The following NF2 variants were observed in gnomAD, a reference collection of about 807,000 sequenced individuals.
NF2 encodes the protein NF2, moesin-ezrin-radixin like (MERLIN) tumor suppressor, also known as merlin.
Under a neutral mutation model 83.7 loss-of-function variants are expected in NF2, and 8 were observed. The observed-to-expected ratio is 0.10, with a 90% CI of 0.06 to 0.17. NF2 has a LOEUF of 0.17. NF2 is among the 10% of genes least tolerant of loss of function. The probability of loss-of-function intolerance (pLI) is 1.00; values close to 1 mark genes in which losing one functional copy is unlikely to be tolerated. For synonymous variants in NF2, 266 were observed against 269.6 expected, an observed-to-expected ratio of 0.99 and a Z score of 0.13; for missense variants, 533 against 744.4, an observed-to-expected ratio of 0.72 and a Z score of 3.31.
In NF2 at chr22:29,698,168, A is replaced by G. The variant is rs971789891; in HGVS notation, c.*3366A>G. On this transcript the variant is annotated 3_prime_UTR_variant, in exon 16 of 16. Transcript: ENST00000338641. Reference sequence around the variant, plus strand: ...CCCCCCAACCTGTGTTGTCCACCCTATTATTCATGTACCTGCCAGGCCCTG... The same window carrying G: ...CCCCCCAACCTGTGTTGTCCACCCTGTTATTCATGTACCTGCCAGGCCCTG... 8.6e-6 allele frequency: 2 copies of G among 232,212 alleles called. No homozygotes were observed. The highest frequency in any genetic ancestry group is 1.8e-4 in the South Asian group (1 of 5,512). 14.4% of individuals were successfully genotyped at this position (232,212 alleles called of 1,614,324 possible).
chr22:29,667,819 G>C (rs1375961346), intron 9 of NF2, among the ~76,000 whole-genome samples: 1 of 151,812 alleles, frequency 6.6e-6, no homozygotes, highest in East Asian at 1.9e-4. Flanking sequence ...GTCTTACTTG[G>C]CATCTTCTCT....
intron 1 of NF2, among the ~76,000 whole-genome samples, chr22:29,622,444 T>G (rs1207317099): frequency 6.6e-6 from 1 of 152,184 alleles, no homozygotes; most frequent in Non-Finnish European, 1.5e-5. Flanking sequence ...TTTAACATAG[T>G]CAGAATGCTC....
chr22:29,691,631 G>T (rs945651749), intron 15 of NF2, among the ~76,000 whole-genome samples: 3 of 152,190 alleles, frequency 2.0e-5, no homozygotes, highest in Admixed American at 6.5e-5. Flanking sequence ...CCTGCCTATG[G>T]GTGTACTGTA....
chr22:29,664,213 T>A (rs2066552117), intron 8 of NF2, among the ~76,000 whole-genome samples: 1 of 152,098 alleles, frequency 6.6e-6, no homozygotes, highest in South Asian at 2.1e-4. Context: ...CCTCAAGCGA[T>A]CCTCCTGCTT....
At position 29,628,140 on chromosome 22, in the gene NF2, CTGTGTGTGTGTGTG is replaced by C. The variant is rs3138701; in HGVS notation, c.115-8579_115-8566del. 8.8e-3 allele frequency among the ~76,000 whole-genome samples: 1,228 copies of C among 139,762 alleles called. 15 individuals carry two copies. The highest frequency in any genetic ancestry group is 0.031 in the African/African-American group (1,159 of 37,408). The allele number at this position is 139,762 out of a possible 152,430, so 91.7% of individuals were successfully genotyped here. On this transcript the variant is annotated intron_variant, in intron 1 of 15. Coordinates refer to ENST00000338641, the MANE Select transcript of NF2 (RefSeq NM_000268.4). ...TTGCCAGGGTTCTGGGAGACTTAATCTGTGTGTGTGTGTGTGTGTGTGTGTGTGTGTGTGTGTGT... is the reference window on the plus strand; with the variant it reads ...TTGCCAGGGTTCTGGGAGACTTAATCTGTGTGTGTGTGTGTGTGTGTGTGT...
At chr22:29,628,142 G>C (rs1368126836) in intron 1 of NF2, among the ~76,000 whole-genome samples, 2 of 79,986 alleles carry the variant, frequency 2.5e-5, no homozygotes, top group Non-Finnish European at 4.9e-5. Flanking sequence ...GACTTAATCT[G>C]TGTGTGTGTG....
rs2065158200 is a variant in NF2, at chr22:29,619,450, G to C, written c.114+15338G>C. 3.3e-5 allele frequency among the ~76,000 whole-genome samples: 5 copies of C among 151,954 alleles called. No homozygotes were observed. The South Asian group carries it at 1.0e-3, about 32-fold the overall frequency. On this transcript the variant is annotated intron_variant, in intron 1 of 15. Coordinates refer to ENST00000338641, the MANE Select transcript of NF2 (RefSeq NM_000268.4). ...CTCGCTCTGTTGCCCAGGCTGGAGT[G>C]CAGTGGCGTGATCTCAGCTCACTTC...
intron 15 of NF2, among the ~76,000 whole-genome samples, chr22:29,692,231 G>T (rs1426563533): frequency 6.6e-6 from 1 of 152,180 alleles, no homozygotes; most frequent in Non-Finnish European, 1.5e-5. Flanking sequence ...GAGGACTGTG[G>T]CTCTCTCTCC....
At chr22:29,610,626 A>G (rs2064926791) in intron 1 of NF2, among the ~76,000 whole-genome samples, 2 of 151,564 alleles carry the variant, frequency 1.3e-5, no homozygotes, top group South Asian at 4.2e-4. Context: ...CCTGGGTGAC[A>G]AAGTGAGACT....
chr22:29,675,044 AGGCAAACACATGGC>A, intron 13 of NF2, 103 bp downstream of exon 13: 1 of 927,850 alleles, frequency 1.1e-6, no homozygotes, highest in Non-Finnish European at 1.7e-6. Context: ...GTGACCATTC[AGGCAAACACATGGC>A]TGGATGAGAG....
intron 4 of NF2, among the ~76,000 whole-genome samples, chr22:29,645,499 A>G (rs2065958267): frequency 6.6e-6 from 1 of 152,216 alleles, no homozygotes; most frequent in Non-Finnish European, 1.5e-5. Context: ...TTATGCTTTG[A>G]TCAAGAATAT....
intron 1 of NF2, among the ~76,000 whole-genome samples, chr22:29,617,761 T>A (rs1483468110): frequency 6.6e-6 from 1 of 152,170 alleles, no homozygotes; most frequent in Non-Finnish European, 1.5e-5. Flanking sequence ...GAATTTTGTA[T>A]TAATAACAAA....
intron 4 of NF2, among the ~76,000 whole-genome samples, chr22:29,645,783 G>A (rs1243513044): frequency 6.6e-6 from 1 of 152,218 alleles, no homozygotes; most frequent in Non-Finnish European, 1.5e-5. Context: ...TGAACCAGCA[G>A]ATGTTTGCTT....
In NF2 at chr22:29,604,011, A is replaced by G. The variant is rs1256317044; in HGVS notation, c.13A>G (p.Ile5Val). MAGA[I>V]ASRMSFSSLK... is the part of the protein sequence containing the mutation. ...TGAGCCCCGCGCCATGGCCGGGGCCATCGCTTCCCGCATGAGCTTCAGCTC... is the reference window on the plus strand; with the variant it reads ...TGAGCCCCGCGCCATGGCCGGGGCCGTCGCTTCCCGCATGAGCTTCAGCTC... The change falls in exon 1 of 16, where the codon ATC becomes GTC. Residue 5 changes from isoleucine to valine, a missense_variant. Around this residue, in one of 3 missense-constraint regions of NF2, gnomAD observed 326 missense variants for 475.1 expected, o/e 0.69. Transcript: ENST00000338641. 5 of 1,588,092 alleles carry G rather than the reference A, an allele frequency of 3.1e-6. No individual in the cohort carries two copies. The African/African-American group carries it at 4.0e-5, about 13-fold the overall frequency.
At chr22:29,608,271 A>G (rs896395989) in intron 1 of NF2, among the ~76,000 whole-genome samples, 4 of 150,852 alleles carry the variant, frequency 2.7e-5, no homozygotes, top group Non-Finnish European at 5.9e-5. Context: ...GTGAAGAAAG[A>G]ATTCGTTAAT....
At chr22:29,654,545 G>A (rs1307701249) in intron 4 of NF2, 112 bp from the exon 5 acceptor site, 48 of 862,042 alleles carry the variant, frequency 5.6e-5, no homozygotes, top group Non-Finnish European at 3.9e-5. Flanking sequence ...ACTTGTCATC[G>A]GAATTGAATT....
At position 29,636,943 on chromosome 22, in the gene NF2, G is replaced by A. The variant is rs757046364; in HGVS notation, c.240+67G>A. On this transcript the variant is annotated intron_variant, in intron 2 of 15. Transcript: ENST00000338641. The surrounding 1 kb of genome is among the most constrained non-coding windows in gnomAD (Gnocchi z 4.4). ...CTTTCCAGTTTTTCCCTGAGCAGGC[G>A]CCTAGCTCATCACTGGGGCGCTGTA... 133 of 1,610,068 alleles carry A rather than the reference G, an allele frequency of 8.3e-5. No individual in the cohort carries two copies. The Admixed American group carries it at 8.5e-4, about 10-fold the overall frequency.
intron 6 of NF2, 61 bp from the exon 7 acceptor site, chr22:29,658,128 C>A: frequency 6.6e-7 from 1 of 1,508,754 alleles, no homozygotes; most frequent in Non-Finnish European, 9.2e-7. Context: ...GATTTGGTGC[C>A]CACCCGCTCT....
chr22:29,652,900 G>T (rs1247465894), intron 4 of NF2, among the ~76,000 whole-genome samples: 4 of 152,092 alleles, frequency 2.6e-5, no homozygotes, highest in Non-Finnish European at 4.4e-5. Context: ...AGATACCAAG[G>T]CCTTTCATTT....
Sources: gnomAD v4.1 joint callset for allele counts (sites outside exome capture counted in the v4.1 genomes callset) on GRCh38, gnomAD v4.1.1 for gene constraint, gnomAD v4.1.1 regional missense constraint, Gnocchi (gnomAD v3.1) non-coding constraint, MANE v1.5 for transcripts, NCBI Gene and HGNC (gene_info 2026-07-23, HGNC 2026-07-21) for gene names.